The following DMPK variants were observed in gnomAD, a reference collection of about 807,000 sequenced individuals.
The protein encoded by DMPK is myotonin-protein kinase.
In DMPK, 32 loss-of-function variants were observed where a neutral mutation model predicts 70.3. The ratio of observed to expected loss-of-function variants is 0.46; its 90% CI spans 0.34 to 0.61. The LOEUF is 0.61. Ranked by LOEUF, DMPK falls within the 20% of genes least tolerant of loss-of-function variation. DMPK has a pLI of 0.01. For missense variants in DMPK, 899 were observed against 886.0 expected (o/e 1.01, Z -0.19); for synonymous variants, 469 against 390.9 (o/e 1.20, Z -2.36).
rs2146258445 is a variant in DMPK at position 45,779,820 on chromosome 19, G to A, written c.210C>T (p.Asp70=). 6.3e-7 allele frequency: 1 copy of A among 1,587,472 alleles called. No homozygotes were observed. The highest frequency in any genetic ancestry group is 1.1e-5 in the South Asian group (1 of 88,162). Residue 70 remains aspartate, a synonymous_variant, in exon 2 of 15, where the codon GAC becomes GAT. Transcript: ENST00000291270. ...RLKEVRLQRD[D]FEILKVIGRG... ...GTCCGATCACCTTCAGAATCTCGAA[G>A]TCGTCCCTCTGCAGTCGGACCTCCT...
intron 9 of DMPK, among the ~76,000 whole-genome samples, chr19:45,773,755 T>A (rs548334598): frequency 6.6e-6 from 1 of 152,268 alleles, no homozygotes; most frequent in East Asian, 1.9e-4. Flanking sequence ...ATTCTCCTAC[T>A]TCAGACTCCT....
chr19:45,770,827 C>T (rs1258692523), intron 14 of DMPK, 144 bp downstream of exon 14: 1 of 958,764 alleles, frequency 1.0e-6, no homozygotes, highest in Non-Finnish European at 1.5e-6. Context: ...TGGCTGCTTC[C>T]TAGCGGCCTG....
chr19:45,770,580 G>C lies in DMPK; in HGVS notation c.1798C>G (p.Arg600Gly). The C allele has an allele frequency of 6.4e-7, 1 of 1,552,300 alleles. No homozygotes were observed. Among genetic ancestry groups the C allele is most frequent in the Non-Finnish European group, 8.7e-7 (1 of 1,147,870 alleles). The change falls in exon 15 of 15, where the codon CGT becomes GGT. Residue 600 changes from arginine (R) to glycine (G), a missense_variant. By Grantham distance (125) the Arg-to-Gly change is moderately radical (BLOSUM62 -2). Transcript: ENST00000291270. ...SLLLFAVVLS[R>G]AAALGCIGLV... ...CCAATGCAGCCCAGGGCGGCGGCAC[G>C]AGACAGAACAACGGCGAACAGGAGC... is the stretch of plus-strand genomic sequence containing the variant.
chr19:45,780,968 C>T (rs1970082973), intron 1 of DMPK, among the ~76,000 whole-genome samples: 1 of 152,106 alleles, frequency 6.6e-6, no homozygotes, highest in African/African-American at 2.4e-5. Context: ...TTTACCCTGC[C>T]AACCCAACTT....
In DMPK at chr19:45,777,948, A is replaced by T. The variant is rs1331932272; in HGVS notation, c.676-75T>A. 7.1e-7 allele frequency: 1 copy of T among 1,410,282 alleles called. No individual in the cohort carries two copies. 87.4% of individuals were successfully genotyped at this position (1,410,282 alleles called of 1,614,324 possible). ...CCAGCTCTGGGCCCTCCTTCCAACC[A>T]CTCCCCAAATGCTTAGCCCCTCCCT... is the stretch of plus-strand genomic sequence containing the variant. On this transcript the variant is annotated intron_variant, in intron 6 of 14. Coordinates refer to ENST00000291270, the MANE Select transcript of DMPK (RefSeq NM_004409.5). This position sits in a 1 kb window ranked among gnomAD's most constrained non-coding sequence, Gnocchi z 6.7.
Position 45,771,040 on chromosome 19 carries a change from C to A in DMPK, c.1668G>T (p.Val556=). The A allele has an allele frequency of 6.6e-7, 1 of 1,509,308 alleles. No individual in the cohort carries two copies. Among genetic ancestry groups the A allele is most frequent in the South Asian group, 1.3e-5 (1 of 78,796 alleles). The allele number at this position is 1,509,308 out of a possible 1,614,324, so 93.5% of individuals were successfully genotyped here. A position where few individuals can be genotyped will look rare whatever the true frequency, so the allele number is the denominator to read the frequency against. ...CCACCAGCGGGCACTGGCCCACAGC[C>A]ACGGCCGGGGGGCCATCTAGCTGGA... ...PPSHLDGPPA[V]AVGQCPLVGP... is the part of the protein sequence containing the mutation. The change falls in exon 14 of 15, where the codon GTG becomes GTT. Residue 556 remains valine (V), a synonymous_variant. Coordinates refer to ENST00000291270, the MANE Select transcript of DMPK (RefSeq NM_004409.5).
chr19:45,770,680 C>G (rs1447182628), intron 14 of DMPK, 40 bp from the exon 15 acceptor site: 7 of 1,542,684 alleles, frequency 4.5e-6, no homozygotes, highest in Admixed American at 2.0e-5. Flanking sequence ...GCATGGGCCT[C>G]TGATTGGCTC....
chr19:45,782,088 C>CCCATCCTG (rs1296456444), intron 1 of DMPK, 105 bp downstream of exon 1: 1 of 1,056,306 alleles, frequency 9.5e-7, no homozygotes, highest in South Asian at 1.7e-5. Flanking sequence ...TCTCCCCATG[C>CCCATCCTG]CCATCCTGCC....
At position 45,779,896 on chromosome 19, in the gene DMPK, C is replaced by A. The variant is rs1391904474; in HGVS notation, c.161-27G>T. 5 of 1,613,624 alleles carry A rather than the reference C, an allele frequency of 3.1e-6. No homozygotes were observed. The highest frequency in any genetic ancestry group is 1.1e-5 in the South Asian group (1 of 91,058). On this transcript the variant is annotated intron_variant, in intron 1 of 14. Coordinates refer to ENST00000291270, the MANE Select transcript of DMPK (RefSeq NM_004409.5). ...TGGGGGGGTGGTGGGGGAAAAGAAC[C>A]GAGGGTCACCAGAAAGGGCACTGGA...
chr19:45,774,257 AAATACT>A (rs1969649185), intron 9 of DMPK, among the ~76,000 whole-genome samples: 1 of 139,324 alleles, frequency 7.2e-6, no homozygotes, highest in Non-Finnish European at 1.5e-5. Context: ...CGGCCTAAAT[AAATACT>A]TTTTTTTTTT....
chr19:45,776,977 G>A (rs762562873), intron 8 of DMPK: 1 of 252,690 alleles, frequency 4.0e-6, no homozygotes, highest in Non-Finnish European at 7.6e-6. Flanking sequence ...CCTAAGGGAG[G>A]AGGAGTCCTC....
At position 45,770,951 on chromosome 19, in the gene DMPK, G is replaced by A; in HGVS notation, c.1737+20C>T. 1 of 1,410,836 alleles carries A rather than the reference G, an allele frequency of 7.1e-7. No homozygotes were observed. The highest frequency in any genetic ancestry group is 9.2e-7 in the Non-Finnish European group (1 of 1,085,714). The allele number at this position is 1,410,836 out of a possible 1,614,324, so 87.4% of individuals were successfully genotyped here. A position where few individuals can be genotyped will look rare whatever the true frequency, so the allele number is the denominator to read the frequency against. On this transcript the variant is annotated intron_variant, in intron 14 of 14. Coordinates refer to ENST00000291270, the MANE Select transcript of DMPK (RefSeq NM_004409.5). The stretch of plus-strand genomic sequence containing the variant: ...GCGCGGGGCGCGACGGCGGAGGGGG[G>A]CGTGGGCAGCCGGACGTACCCTGGC...
chr19:45,779,690 G>T (rs188046657), intron 2 of DMPK, 88 bp downstream of exon 2: 3 of 1,530,210 alleles, frequency 2.0e-6, no homozygotes, highest in Admixed American at 2.0e-5. Context: ...TCTAAGGCTC[G>T]GTCATTCATC....
At chr19:45,771,508 C>G (rs575984462) in intron 12 of DMPK, 60 bp downstream of exon 12, 2 of 1,611,242 alleles carry the variant, frequency 1.2e-6, no homozygotes, top group Non-Finnish European at 1.7e-6. Flanking sequence ...ACACGCCCCG[C>G]GGAGCAGACG....
intron 8 of DMPK, 183 bp from the exon 9 acceptor site, chr19:45,775,217 G>A: frequency 1.8e-6 from 1 of 556,196 alleles, no homozygotes; most frequent in East Asian, 3.2e-5. Flanking sequence ...ACCCAGGCTG[G>A]AGTGCAGTGG....
At chr19:45,773,807 G>A (rs891950954) in intron 9 of DMPK, among the ~76,000 whole-genome samples, 4 of 151,504 alleles carry the variant, frequency 2.6e-5, no homozygotes, top group South Asian at 4.2e-4. Context: ...TGCCTGGCAC[G>A]ATTTTTTCAA....
intron 1 of DMPK, among the ~76,000 whole-genome samples, chr19:45,781,016 G>A (rs887897044): frequency 6.6e-6 from 1 of 152,160 alleles, no homozygotes; most frequent in Non-Finnish European, 1.5e-5. Flanking sequence ...AGTCATTAGG[G>A]GCTGTGGGAG....
rs1428740323 is a variant in DMPK, at chr19:45,769,862, G to C, written c.*626C>G. 1 of 246,838 alleles carries C rather than the reference G, an allele frequency of 4.1e-6. No homozygotes were observed. Among genetic ancestry groups the C allele is most frequent in the African/African-American group, 2.3e-5 (1 of 42,716 alleles). The allele number at this position is 246,838 out of a possible 1,614,324, so 15.3% of individuals were successfully genotyped here. On this transcript the variant is annotated 3_prime_UTR_variant, in exon 15 of 15. Coordinates refer to ENST00000291270, the MANE Select transcript of DMPK (RefSeq NM_004409.5). ...GTTGGGGGTCCTGTAGCCTGTCAGC[G>C]AGTCGGAGGACGAGGTCAATAAATA...
In DMPK at chr19:45,780,507, G is replaced by A. The variant is rs866334304; in HGVS notation, c.161-638C>T. On this transcript the variant is annotated intron_variant, in intron 1 of 14. Transcript: ENST00000291270. ...GCTTTAGTCCTACCCCTTATTTACAGATGACAATCAGGCCTCTCAGAAGTC... is the reference window on the plus strand; with the variant it reads ...GCTTTAGTCCTACCCCTTATTTACAAATGACAATCAGGCCTCTCAGAAGTC... 57 of 1,099,182 alleles carry A rather than the reference G, an allele frequency of 5.2e-5. 1 individual carries two copies. The Middle Eastern group carries it at 4.4e-3, about 86-fold the overall frequency. 68.1% of individuals were successfully genotyped at this position (1,099,182 alleles called of 1,614,324 possible).
Sources: gnomAD v4.1 joint callset for allele counts (sites outside exome capture counted in the v4.1 genomes callset) on GRCh38, gnomAD v4.1.1 for gene constraint, Gnocchi (gnomAD v3.1) non-coding constraint, MANE v1.5 for transcripts, NCBI Gene and HGNC (gene_info 2026-07-23, HGNC 2026-07-21) for gene names.